NRXN1: variants seen among roughly 807,000 people sequenced by gnomAD.
NRXN1 encodes neurexin-1.
NRXN1 carries 39 observed loss-of-function variants against 150.9 expected under a neutral mutation model. The ratio of observed to expected loss-of-function variants is 0.26; its 90% CI spans 0.20 to 0.34. The LOEUF (loss-of-function observed/expected upper bound fraction) is 0.34. NRXN1 is among the 10% of genes least tolerant of loss of function. NRXN1 has a pLI of 1.00. For missense variants in NRXN1, 1,815 were observed against 1,949.9 expected, an observed-to-expected ratio of 0.93 and a Z score of 1.30; for synonymous variants, 924 against 757.0, an observed-to-expected ratio of 1.22 and a Z score of -3.62.
intron 17 of NRXN1, among the ~76,000 whole-genome samples, chr2:50,434,043 A>ATT (rs748364051): frequency 0.011 from 810 of 72,086 alleles, 105 homozygotes; most frequent in African/African-American, 0.026. Context: ...TATCTAAGCC[A>ATT]TTTTTTTTTT....
chr2:50,675,438 A>G (rs1689414172), intron 5 of NRXN1, among the ~76,000 whole-genome samples: 2 of 152,192 alleles, frequency 1.3e-5, no homozygotes, highest in Non-Finnish European at 1.5e-5. Context: ...CTTGGAAAGC[A>G]TAGTTTAAAT....
chr2:50,922,533 A>G (rs1040196787), intron 4 of NRXN1, 125 bp downstream of exon 4: 1 of 886,288 alleles, frequency 1.1e-6, no homozygotes, highest in African/African-American at 1.7e-5. Context: ...TGAACAAAAG[A>G]TATGTATTTA....
chr2:50,179,894 C>A (rs911393049), intron 18 of NRXN1, among the ~76,000 whole-genome samples: 4 of 152,080 alleles, frequency 2.6e-5, no homozygotes, highest in African/African-American at 9.7e-5. Flanking sequence ...ATACTGCCTA[C>A]AAATAATCGG....
chr2:50,479,670 T>A (rs1362568295), intron 15 of NRXN1, among the ~76,000 whole-genome samples: 1 of 152,036 alleles, frequency 6.6e-6, no homozygotes, highest in Non-Finnish European at 1.5e-5. Context: ...GAAGGTTTTA[T>A]GTCAGCACTC....
At position 50,344,861 on chromosome 2, in the gene NRXN1, A is replaced by G. The variant is rs149088566; in HGVS notation, c.3365-107891T>C. ...TAGCCAAGTGCTTCCCACTGGCACA[A>G]TTAGGTGTTCCACCTGCTCCATACA... On this transcript the variant is annotated intron_variant, in intron 17 of 22. Transcript: ENST00000401669. 1.1e-3 allele frequency among the ~76,000 whole-genome samples: 170 copies of G among 152,254 alleles called. 1 individual carries two copies. Among genetic ancestry groups the G allele is most frequent in the African/African-American group, 3.9e-3 (163 of 41,564 alleles).
chr2:50,776,962 T>C (rs1703725006), intron 5 of NRXN1, among the ~76,000 whole-genome samples: 1 of 152,136 alleles, frequency 6.6e-6, no homozygotes, highest in African/African-American at 2.4e-5. Flanking sequence ...CATGCTGAAA[T>C]CAAAGATTTA....
intron 17 of NRXN1, among the ~76,000 whole-genome samples, chr2:50,251,294 T>C (rs2152898766): frequency 6.6e-6 from 1 of 152,184 alleles, no homozygotes; most frequent in East Asian, 1.9e-4. Context: ...TGGTTTTCTG[T>C]TCCTGCATTA....
At chr2:50,037,572 C>A (rs1421598) in intron 21 of NRXN1, among the ~76,000 whole-genome samples, 131,889 of 152,182 alleles carry the variant, frequency 0.87, 57,293 homozygotes, top group African/African-American at 0.92. Flanking sequence ...ATTAAAGATA[C>A]GATATTAGGA....
intron 19 of NRXN1, among the ~76,000 whole-genome samples, chr2:50,066,106 C>T (rs912475141): frequency 6.6e-6 from 1 of 152,170 alleles, no homozygotes; most frequent in Non-Finnish European, 1.5e-5. Context: ...CACCTTCCTT[C>T]TTCTCTAGTG....
At chr2:50,606,603 A>G (rs1677164987) in intron 8 of NRXN1, among the ~76,000 whole-genome samples, 1 of 98,412 alleles carries the variant, frequency 1.0e-5, no homozygotes, top group South Asian at 3.5e-4. Flanking sequence ...TGAGCTGCTC[A>G]TACAATAATA....
chr2:50,878,678 T>C (rs945603584), intron 5 of NRXN1, among the ~76,000 whole-genome samples: 2 of 151,940 alleles, frequency 1.3e-5, no homozygotes, highest in Non-Finnish European at 2.9e-5. Flanking sequence ...GTTTCCCTTA[T>C]GCCAACCACA....
rs898351297 is a variant in NRXN1, at chr2:50,669,001, T to G, written c.833-45386A>C. ...GGTCAGGGGATACAGGCCCTCCAGG[T>G]GATGAAGTTTATGGGATTTGTGGGA... On this transcript the variant is annotated intron_variant, in intron 5 of 22. Transcript: ENST00000401669. 7.9e-5 allele frequency among the ~76,000 whole-genome samples: 12 copies of G among 151,774 alleles called. No homozygotes were observed. In the East Asian group the frequency reaches 2.3e-3, roughly 30 times the overall value.
intron 21 of NRXN1, among the ~76,000 whole-genome samples, chr2:50,033,898 A>T (rs949757946): frequency 3.9e-5 from 6 of 152,036 alleles, no homozygotes; most frequent in African/African-American, 1.4e-4. Flanking sequence ...ATTGATCGTT[A>T]AAGAAATGTA....
intron 18 of NRXN1, among the ~76,000 whole-genome samples, chr2:50,095,304 G>T (rs1298196815): frequency 6.6e-6 from 1 of 152,152 alleles, no homozygotes; most frequent in Non-Finnish European, 1.5e-5. Context: ...TATTTTTACA[G>T]AACAAGTTTA....
chr2:50,086,821 T>TGAGAGAGAGAGAGA (rs3046671), intron 19 of NRXN1, among the ~76,000 whole-genome samples: 8 of 142,736 alleles, frequency 5.6e-5, no homozygotes, highest in African/African-American at 1.8e-4. Flanking sequence ...CAGAGAAGAA[T>TGAGAGAGAGAGAGA]GAGAGAGAGA....
At chr2:50,740,636 T>A (rs1370500525) in intron 5 of NRXN1, among the ~76,000 whole-genome samples, 3 of 152,202 alleles carry the variant, frequency 2.0e-5, no homozygotes, top group African/African-American at 7.2e-5. Flanking sequence ...TATAAAATGG[T>A]CAATAAAATG....
chr2:50,052,051 C>A (rs1692798587), intron 21 of NRXN1, among the ~76,000 whole-genome samples: 1 of 152,022 alleles, frequency 6.6e-6, no homozygotes, highest in African/African-American at 2.4e-5. Flanking sequence ...TCCTCTCACC[C>A]TTTTCCATTC....
At chr2:50,365,421 A>C (rs1302046335) in intron 17 of NRXN1, among the ~76,000 whole-genome samples, 1 of 152,086 alleles carries the variant, frequency 6.6e-6, no homozygotes, top group Admixed American at 6.6e-5. Context: ...AAATGTGAGG[A>C]AGGAAAATCA....
intron 15 of NRXN1, among the ~76,000 whole-genome samples, chr2:50,493,015 A>T (rs1006138): frequency 0.9 from 137,120 of 152,234 alleles, 62,047 homozygotes; most frequent in African/African-American, 0.95. Context: ...CAAACACCAC[A>T]ACATGATTCT....
Sources: gnomAD v4.1 joint callset for allele counts (sites outside exome capture counted in the v4.1 genomes callset) on GRCh38, gnomAD v4.1.1 for gene constraint, MANE v1.5 for transcripts, NCBI Gene and HGNC (gene_info 2026-07-23, HGNC 2026-07-21) for gene names.